The following SLC22A23 variants were observed in gnomAD, a reference collection of about 807,000 sequenced individuals.
SLC22A23 encodes the protein ion transporter protein.
SLC22A23 carries 26 observed loss-of-function variants against 61.0 expected under a neutral mutation model. The observed-to-expected ratio is 0.43, with a 90% CI of 0.31 to 0.59. The LOEUF (loss-of-function observed/expected upper bound fraction) is 0.59, where lower values mean the gene tolerates loss of function less well. Ranked by LOEUF, SLC22A23 falls within the 20% of genes least tolerant of loss-of-function variation. SLC22A23 has a pLI of 0.11. For synonymous variants in SLC22A23, 430 were observed against 413.9 expected (o/e 1.04, Z -0.47); for missense variants, 796 against 934.7 (o/e 0.85, Z 1.94).
intron 3 of SLC22A23, among the ~76,000 whole-genome samples, chr6:3,385,047 C>T (rs548573124): frequency 1.4e-4 from 21 of 152,216 alleles, no homozygotes; most frequent in African/African-American, 5.1e-4. Flanking sequence ...TCCATAGAGA[C>T]AGAAAGGAGA....
At chr6:3,377,034 C>T (rs1766615889) in intron 3 of SLC22A23, among the ~76,000 whole-genome samples, 1 of 151,924 alleles carries the variant, frequency 6.6e-6, no homozygotes, top group Admixed American at 6.6e-5. Flanking sequence ...GTCCTTACTT[C>T]CAATCAGGTG....
At chr6:3,313,671 G>C (rs1448923236) in intron 4 of SLC22A23, 1 of 152,192 alleles carries the variant, frequency 6.6e-6, no homozygotes, top group Admixed American at 6.5e-5. Context: ...CTGTCAAGTT[G>C]TTCTTTCTTG....
At chr6:3,349,239 G>A (rs1226968040) in intron 3 of SLC22A23, among the ~76,000 whole-genome samples, 1 of 152,234 alleles carries the variant, frequency 6.6e-6, no homozygotes, top group Non-Finnish European at 1.5e-5. Flanking sequence ...CCACCAAGCA[G>A]CTCAGCACTG....
rs1472168563 is a variant in SLC22A23, at chr6:3,328,124, C to A, written c.914-4122G>T. Among the ~76,000 whole-genome samples the A allele has an allele frequency of 6.6e-6, 1 of 151,466 alleles. No homozygotes were observed. Among genetic ancestry groups the A allele is most frequent in the Non-Finnish European group, 1.5e-5 (1 of 67,970 alleles). On this transcript the variant is annotated intron_variant, in intron 3 of 9. Coordinates refer to ENST00000406686, the MANE Select transcript of SLC22A23 (RefSeq NM_015482.2). This position sits in a 1 kb window ranked among gnomAD's most constrained non-coding sequence, Gnocchi z 5.0. ...AACAACCGTTACTTTTCCCCTAACA[C>A]CTTAATGAAGAATGCTTACAAGCTA...
intron 3 of SLC22A23, among the ~76,000 whole-genome samples, chr6:3,341,781 G>A (rs1440923183): frequency 1.3e-5 from 2 of 151,648 alleles, no homozygotes; most frequent in African/African-American, 2.4e-5. Context: ...AGCGAGGGGG[G>A]TGGGGGCGGG....
At chr6:3,314,697 T>C (rs1762535334) in intron 4 of SLC22A23, among the ~76,000 whole-genome samples, 1 of 152,178 alleles carries the variant, frequency 6.6e-6, no homozygotes, top group Non-Finnish European at 1.5e-5. Context: ...CTGAGGCCAT[T>C]TAAATGTTTT....
intron 4 of SLC22A23, 189 bp downstream of exon 4, chr6:3,323,645 T>G (rs1763097292): frequency 1.4e-6 from 1 of 707,646 alleles, no homozygotes; most frequent in African/African-American, 1.8e-5. Context: ...TTTGTGTATA[T>G]TTGAACAGTT....
At chr6:3,273,467 C>T (rs755867655) in intron 9 of SLC22A23, 55 bp from the exon 10 acceptor site, 24 of 1,584,228 alleles carry the variant, frequency 1.5e-5, no homozygotes, top group Admixed American at 1.7e-5. Context: ...GGCTGGATCC[C>T]GGGAAAGCTC....
At chr6:3,440,655 T>C (rs984444834) in intron 1 of SLC22A23, among the ~76,000 whole-genome samples, 7 of 146,030 alleles carry the variant, frequency 4.8e-5, no homozygotes, top group African/African-American at 1.8e-4. Flanking sequence ...TGCAGTGAGC[T>C]GAGATCACAC....
At chr6:3,289,979 AG>A in intron 5 of SLC22A23, 113 bp from the exon 6 acceptor site, 1 of 636,760 alleles carries the variant, frequency 1.6e-6, no homozygotes, top group African/African-American at 2.1e-5. Context: ...GGGAGAGAGA[AG>A]CTTTTTTTTT....
Position 3,410,440 on chromosome 6 carries a change from G to A in SLC22A23, c.759-98C>T, listed in dbSNP as rs1234838067. On this transcript the variant is annotated intron_variant, in intron 2 of 9. Transcript: ENST00000406686. This position sits in a 1 kb window ranked among gnomAD's most constrained non-coding sequence, Gnocchi z 5.0. ...GTCCAGCAGGCACTCAATATATGTT[G>A]AATGAGTACTGGGTAAAAAGTCCTG... is the stretch of plus-strand genomic sequence containing the variant. 1.5e-6 allele frequency: 2 copies of A among 1,295,560 alleles called. No individual in the cohort carries two copies. Among genetic ancestry groups the A allele is most frequent in the Non-Finnish European group, 2.1e-6 (2 of 952,206 alleles). 80.3% of individuals were successfully genotyped at this position (1,295,560 alleles called of 1,614,324 possible).
At chr6:3,362,441 ATTAGCATG>A (rs143420652) in intron 3 of SLC22A23, among the ~76,000 whole-genome samples, 9 of 137,124 alleles carry the variant, frequency 6.6e-5, no homozygotes, top group African/African-American at 2.5e-4. Context: ...AAAAATAAAA[ATTAGCATG>A]CATTTTCATC....
intron 3 of SLC22A23, among the ~76,000 whole-genome samples, chr6:3,334,512 A>G (rs1039765313): frequency 1.1e-4 from 17 of 151,698 alleles, no homozygotes; most frequent in African/African-American, 2.7e-4. Flanking sequence ...TTTTTTTTCA[A>G]TGAAAAAAAA....
At chr6:3,417,474 C>A (rs780499758) in intron 1 of SLC22A23, among the ~76,000 whole-genome samples, 1 of 152,168 alleles carries the variant, frequency 6.6e-6, no homozygotes, top group Non-Finnish European at 1.5e-5. Context: ...GCTGGTTGCA[C>A]AGATTCTTAA....
intron 3 of SLC22A23, among the ~76,000 whole-genome samples, chr6:3,348,841 G>A (rs1438161166): frequency 1.3e-5 from 2 of 152,298 alleles, no homozygotes; most frequent in East Asian, 1.9e-4. Flanking sequence ...CCAACGGACC[G>A]GGTCCCCATG....
At chr6:3,292,312 C>A (rs995457497) in intron 5 of SLC22A23, among the ~76,000 whole-genome samples, 3 of 152,192 alleles carry the variant, frequency 2.0e-5, no homozygotes, top group African/African-American at 7.2e-5. Flanking sequence ...GGTTCTAACA[C>A]CCTCAATGGT....
rs868434992 is a variant in SLC22A23, at chr6:3,272,739, C to T, written c.*316G>A. 4 of 204,820 alleles carry T rather than the reference C, an allele frequency of 2.0e-5. No homozygotes were observed. The highest frequency in any genetic ancestry group is 2.6e-4 in the East Asian group (2 of 7,556). The allele number at this position is 204,820 out of a possible 1,614,324, so 12.7% of individuals were successfully genotyped here. On this transcript the variant is annotated 3_prime_UTR_variant, in exon 10 of 10. Coordinates refer to ENST00000406686, the MANE Select transcript of SLC22A23 (RefSeq NM_015482.2). ...GCATCTTCCCAGAGCAACTGCGTCTCGCTGCCCAGGGAGGTGATTCCATTT... is the reference window on the plus strand; with the variant it reads ...GCATCTTCCCAGAGCAACTGCGTCTTGCTGCCCAGGGAGGTGATTCCATTT...
chr6:3,395,027 G>C (rs1767916003), intron 3 of SLC22A23, among the ~76,000 whole-genome samples: 1 of 152,250 alleles, frequency 6.6e-6, no homozygotes, highest in Non-Finnish European at 1.5e-5. Flanking sequence ...GGGTCACCAA[G>C]GTGGGGCTGG....
Position 3,328,229 on chromosome 6 carries a change from A to G in SLC22A23, c.914-4227T>C, listed in dbSNP as rs186151695. ...GAGAATGAAACAGTACGTAGCTGAG[A>G]CTGAACTGAGGCATTTGTTTAGTGA... On this transcript the variant is annotated intron_variant, in intron 3 of 9. Coordinates refer to ENST00000406686, the MANE Select transcript of SLC22A23 (RefSeq NM_015482.2). This position sits in a 1 kb window ranked among gnomAD's most constrained non-coding sequence, Gnocchi z 5.0. Among the ~76,000 whole-genome samples the G allele has an allele frequency of 2.0e-5, 3 of 151,772 alleles. No individual in the cohort carries two copies. The East Asian group carries it at 5.8e-4, about 29-fold the overall frequency.
Sources: gnomAD v4.1 joint callset for allele counts (sites outside exome capture counted in the v4.1 genomes callset) on GRCh38, gnomAD v4.1.1 for gene constraint, Gnocchi (gnomAD v3.1) non-coding constraint, MANE v1.5 for transcripts, NCBI Gene and HGNC (gene_info 2026-07-23, HGNC 2026-07-21) for gene names.